Variants in VARS2 observed in about 807,000 individuals in gnomAD.
The protein encoded by VARS2 is valine--tRNA ligase, mitochondrial.
Under a neutral mutation model 154.1 loss-of-function variants are expected in VARS2, and 105 were observed. The observed-to-expected ratio is 0.68, with a 90% confidence interval of 0.58 to 0.80. The LOEUF (loss-of-function observed/expected upper bound fraction) is 0.80, where lower values mean the gene tolerates loss of function less well. Ranked by LOEUF, VARS2 falls within the 30% of genes least tolerant of loss-of-function variation. The pLI, the probability that VARS2 is intolerant of heterozygous loss-of-function variation, is 0.00. For synonymous variants in VARS2, 483 were observed against 539.5 expected (o/e 0.90, Z 1.45); for missense variants, 1,157 against 1,361.4 (o/e 0.85, Z 2.36).
Position 30,923,367 on chromosome 6 carries a change from C to T in VARS2, c.2328C>T (p.Ser776=), listed in dbSNP as rs140375910. The T allele has an allele frequency of 4.6e-3, 7,413 of 1,610,836 alleles. 363 individuals carry two copies. In the South Asian group the frequency reaches 0.068, roughly 15 times the overall value. Residue 776 remains serine (S), a synonymous_variant, in exon 25 of 30, where the codon TCC becomes TCT. Coordinates refer to ENST00000676266, the MANE Select transcript of VARS2 (RefSeq NM_020442.6). Reference sequence around the variant, plus strand: ...TCTGCCTGCAGCTGTCTCCCTCCTCCCCGATGGATGCCTGGATCCTGAGCC... The same window carrying T: ...TCTGCCTGCAGCTGTCTCCCTCCTCTCCGATGGATGCCTGGATCCTGAGCC... ...PQPAEELSPS[S]PMDAWILSRL...
chr6:30,921,570 C>T lies in VARS2; in HGVS notation c.1633-19C>T. Reference sequence around the variant, plus strand: ...AGCTGTTCTTCCTCACTCTCCCCAACCCCTTCCTACTTTTGCAGGGAGAAG... The same window carrying T: ...AGCTGTTCTTCCTCACTCTCCCCAATCCCTTCCTACTTTTGCAGGGAGAAG... On this transcript the variant is annotated intron_variant, in intron 17 of 29. Transcript: ENST00000676266. The surrounding 1 kb of genome is among the most constrained non-coding windows in gnomAD (Gnocchi z 4.6). 6.3e-7 allele frequency: 1 copy of T among 1,593,050 alleles called. No homozygotes were observed.
Position 30,914,875 on chromosome 6 carries a change from T to G in VARS2, c.39T>G (p.Phe13Leu). ...CTCTCGCCTCTTTTCGACCACCATT[T>G]TGGGGGCTGAGGCACTCACGGGGCC... is the stretch of plus-strand genomic sequence containing the variant. Reference protein sequence around the residue: ...HLPLASFRPPFWGLRHSRGLP... With the variant: ...HLPLASFRPPLWGLRHSRGLP... The change falls in exon 2 of 30, where the codon TTT becomes TTG. Residue 13 changes from phenylalanine to leucine, a missense_variant. Coordinates refer to ENST00000676266, the MANE Select transcript of VARS2 (RefSeq NM_020442.6). 4 of 1,613,044 alleles carry G rather than the reference T, an allele frequency of 2.5e-6. No individual in the cohort carries two copies. Among genetic ancestry groups the G allele is most frequent in the Non-Finnish European group, 3.4e-6 (4 of 1,180,024 alleles).
chr6:30,918,735 C>A, intron 10 of VARS2, 92 bp from the exon 11 acceptor site: 1 of 1,077,614 alleles, frequency 9.3e-7, no homozygotes, highest in East Asian at 2.4e-5. Flanking sequence ...CTCCCTGCCC[C>A]TTCCCCTTTC....
rs1050242344 is a variant in VARS2, at chr6:30,920,535, A to G, written c.1397+99A>G. ...ATGGGCTCTGCACCCCTCCGTTAGA[A>G]TACGAGCTCCGTGTCGGTTTTATTC... On this transcript the variant is annotated intron_variant, in intron 14 of 29. Coordinates refer to ENST00000676266, the MANE Select transcript of VARS2 (RefSeq NM_020442.6). This position sits in a 1 kb window ranked among gnomAD's most constrained non-coding sequence, Gnocchi z 4.6. 13 of 1,372,868 alleles carry G rather than the reference A, an allele frequency of 9.5e-6. No individual in the cohort carries two copies. Among genetic ancestry groups the G allele is most frequent in the Non-Finnish European group, 1.3e-5 (13 of 1,014,062 alleles). 85.0% of individuals were successfully genotyped at this position (1,372,868 alleles called of 1,614,324 possible). A position where few individuals can be genotyped will look rare whatever the true frequency, so the allele number is the denominator to read the frequency against.
intron 27 of VARS2, 51 bp from the exon 28 acceptor site, chr6:30,925,493 G>A: frequency 6.4e-7 from 1 of 1,558,536 alleles, no homozygotes; most frequent in Non-Finnish European, 8.7e-7. Flanking sequence ...TGCAGGGTAG[G>A]AAGGGAGGCA....
In VARS2 at chr6:30,926,415, A is replaced by G. The variant is rs906245671; in HGVS notation, c.*205A>G. The G allele has an allele frequency of 5.0e-6, 3 of 605,980 alleles. No homozygotes were observed. The highest frequency in any genetic ancestry group is 3.7e-5 in the African/African-American group (2 of 54,122). 37.5% of individuals were successfully genotyped at this position (605,980 alleles called of 1,614,324 possible). A position where few individuals can be genotyped will look rare whatever the true frequency, so the allele number is the denominator to read the frequency against. On this transcript the variant is annotated 3_prime_UTR_variant, in exon 30 of 30. Coordinates refer to ENST00000676266, the MANE Select transcript of VARS2 (RefSeq NM_020442.6). ...ACTGCCCGGCCTGCCTCCCACCTGG[A>G]AGTCTGGGAATGAGGAGATTGAGAT...
In VARS2 at chr6:30,923,214, C is replaced by G. The variant is rs1324558107; in HGVS notation, c.2296C>G (p.Pro766Ala). The G allele has an allele frequency of 1.2e-6, 2 of 1,612,990 alleles. No individual in the cohort carries two copies. Among genetic ancestry groups the G allele is most frequent in the South Asian group, 2.2e-5 (2 of 91,092 alleles). Residue 766 changes from proline (P) to alanine (A), a missense_variant, in exon 24 of 30, where the codon CCA becomes GCA. Physicochemically the swap from Pro to Ala is conservative, Grantham distance 27. Coordinates refer to ENST00000676266, the MANE Select transcript of VARS2 (RefSeq NM_020442.6). ...ILNALGEKFVPQPAEELSPSS... is the reference protein window; with the variant it reads ...ILNALGEKFVAQPAEELSPSS... ...CAATGCTTTAGGGGAGAAATTTGTG[C>G]CACAGCCTGCTGAGGAGGTAAGAGA...
rs1450463661 is a variant in VARS2, at chr6:30,917,317, T to G, written c.873+93T>G. 3 of 1,594,170 alleles carry G rather than the reference T, an allele frequency of 1.9e-6. No homozygotes were observed. Among genetic ancestry groups the G allele is most frequent in the Non-Finnish European group, 2.6e-6 (3 of 1,165,180 alleles). On this transcript the variant is annotated intron_variant, in intron 9 of 29. Coordinates refer to ENST00000676266, the MANE Select transcript of VARS2 (RefSeq NM_020442.6). This position sits in a 1 kb window ranked among gnomAD's most constrained non-coding sequence, Gnocchi z 4.4. ...AGACTCTGGAGCCAGGGTGCCTGGA[T>G]TCAAATCTGATGCCTGCCTGTTACA...
In VARS2 at chr6:30,923,345, G is replaced by C. The variant is rs1216949363; in HGVS notation, c.2314-8G>C. The C allele has an allele frequency of 6.2e-7, 1 of 1,608,538 alleles. No individual in the cohort carries two copies. Among genetic ancestry groups the C allele is most frequent in the Non-Finnish European group, 8.5e-7 (1 of 1,176,878 alleles). The stretch of plus-strand genomic sequence containing the variant: ...GGAGTCAGGCCATCCTGCCCCCTCT[G>C]CCTGCAGCTGTCTCCCTCCTCCCCG... On this transcript the variant is annotated splice_region_variant and splice_polypyrimidine_tract_variant and intron_variant, in intron 24 of 29. Transcript: ENST00000676266.
chr6:30,924,667 T>C, intron 26 of VARS2, 107 bp downstream of exon 26: 1 of 651,126 alleles, frequency 1.5e-6, no homozygotes, highest in Non-Finnish European at 2.6e-6. Context: ...CGTACTTTAC[T>C]GTGGAGCCCT....
Position 30,920,766 on chromosome 6 carries a change from G to T in VARS2, c.1479+17G>T. On this transcript the variant is annotated intron_variant, in intron 15 of 29. Transcript: ENST00000676266. This position sits in a 1 kb window ranked among gnomAD's most constrained non-coding sequence, Gnocchi z 4.6. ...GCTGCCAAGGTGAGGCTGCAGTGTA[G>T]GAAGGACTGGGGCCAGGGGTTGGGG... 6.4e-7 allele frequency: 1 copy of T among 1,557,800 alleles called. No individual in the cohort carries two copies. Among genetic ancestry groups the T allele is most frequent in the Non-Finnish European group, 8.7e-7 (1 of 1,152,024 alleles).
chr6:30,926,317 G>A lies in VARS2; in HGVS notation c.*107G>A. 6 of 1,129,326 alleles carry A rather than the reference G, an allele frequency of 5.3e-6. No homozygotes were observed. The highest frequency in any genetic ancestry group is 2.6e-5 in the East Asian group (1 of 39,070). The allele number at this position is 1,129,326 out of a possible 1,614,324, so 70.0% of individuals were successfully genotyped here. On this transcript the variant is annotated 3_prime_UTR_variant, in exon 30 of 30. Transcript: ENST00000676266. Reference sequence around the variant, plus strand: ...GACGTCAGAGACTATGTGGTCCATCGCCTTCATTGTGTAAATGAGGACACA... The same window carrying A: ...GACGTCAGAGACTATGTGGTCCATCACCTTCATTGTGTAAATGAGGACACA...
chr6:30,914,353 GCGC>G lies in VARS2; in HGVS notation c.-28+12_-28+14del, dbSNP rs1793999353. ...AGCGGCGGGGCCTCCTGGTGAGCGC[GCGC>G]CGGGGCGGCCTCCGGGAAGTGGGAG... On this transcript the variant is annotated intron_variant, in intron 1 of 29. Coordinates refer to ENST00000676266, the MANE Select transcript of VARS2 (RefSeq NM_020442.6). 5 of 1,241,248 alleles carry G rather than the reference GCGC, an allele frequency of 4.0e-6. No individual in the cohort carries two copies. The East Asian group carries it at 1.6e-4, about 39-fold the overall frequency. 76.9% of individuals were successfully genotyped at this position (1,241,248 alleles called of 1,614,324 possible). A position where few individuals can be genotyped will look rare whatever the true frequency, so the allele number is the denominator to read the frequency against.
rs572114528 is a variant in VARS2 at position 30,925,472 on chromosome 6, C to G, written c.2786-72C>G. The G allele has an allele frequency of 2.2e-3, 3,475 of 1,562,068 alleles. 10 individuals carry two copies. The highest frequency in any genetic ancestry group is 8.2e-3 in the South Asian group (693 of 84,988). Reference sequence around the variant, plus strand: ...AGCAGAGCCTGAAGGGCCAACCCCCCCGTTAGGAGGTGCAGGGTAGGAAGG... The same window carrying G: ...AGCAGAGCCTGAAGGGCCAACCCCCGCGTTAGGAGGTGCAGGGTAGGAAGG... On this transcript the variant is annotated intron_variant, in intron 27 of 29. Transcript: ENST00000676266.
rs745712955 is a variant in VARS2, at chr6:30,922,786, C to A, written c.2106+12C>A. The A allele has an allele frequency of 1.2e-6, 2 of 1,603,482 alleles. No homozygotes were observed. The highest frequency in any genetic ancestry group is 1.1e-5 in the South Asian group (1 of 90,056). On this transcript the variant is annotated intron_variant, in intron 22 of 29. Coordinates refer to ENST00000676266, the MANE Select transcript of VARS2 (RefSeq NM_020442.6). ...TGGCTGCAGCACAGGTGAGTCATCG[C>A]TGCCTGCCCCCCACCAGCTCTAGCT...
rs751982687 is a variant in VARS2, at chr6:30,921,727, G to T, written c.1735+36G>T. On this transcript the variant is annotated intron_variant, in intron 18 of 29. Coordinates refer to ENST00000676266, the MANE Select transcript of VARS2 (RefSeq NM_020442.6). This position sits in a 1 kb window ranked among gnomAD's most constrained non-coding sequence, Gnocchi z 4.6. Reference sequence around the variant, plus strand: ...GAGCTGGGGAGGGATGTACAGGGGAGCGGGGGCCTGGGCATCTGGGCCTTT... The same window carrying T: ...GAGCTGGGGAGGGATGTACAGGGGATCGGGGGCCTGGGCATCTGGGCCTTT... 4 of 1,567,514 alleles carry T rather than the reference G, an allele frequency of 2.6e-6. No individual in the cohort carries two copies. The highest frequency in any genetic ancestry group is 2.4e-5 in the South Asian group (2 of 84,996).
intron 1 of VARS2, 180 bp from the exon 2 acceptor site, chr6:30,914,630 C>T: frequency 9.1e-7 from 1 of 1,099,894 alleles, no homozygotes; most frequent in Non-Finnish European, 1.3e-6. Context: ...ATATCCGTGG[C>T]TCCATGGCGC....
Position 30,914,914 on chromosome 6 carries a change from C to T in VARS2, c.78C>T (p.His26=). 8.1e-6 allele frequency: 13 copies of T among 1,613,088 alleles called. No homozygotes were observed. The highest frequency in any genetic ancestry group is 1.0e-5 in the Non-Finnish European group (12 of 1,180,042). ...ACTCACGGGGCCTCCCCAGGTTTCACTCCGTTTCTACACAGTCGGAGCCCC... is the reference window on the plus strand; with the variant it reads ...ACTCACGGGGCCTCCCCAGGTTTCATTCCGTTTCTACACAGTCGGAGCCCC... ...LRHSRGLPRF[H]SVSTQSEPHG... Residue 26 remains histidine (H), a synonymous_variant, in exon 2 of 30, where the codon CAC becomes CAT. Transcript: ENST00000676266.
At position 30,915,767 on chromosome 6, in the gene VARS2, G is replaced by C; in HGVS notation, c.406G>C (p.Gly136Arg). Residue 136 changes from glycine to arginine, a missense_variant, in exon 5 of 30, where the codon GGG (glycine) becomes CGG (arginine). Gly to Arg is a moderately radical substitution (Grantham distance 125). Transcript: ENST00000676266. ...CTAGGCCCGGCTGCCCCAAGCTACA[G>C]GGGAGACCTTTTCCATGTGTATCCC... ...EYQARLPQAT[G>R]ETFSMCIPPP... 1 of 1,613,538 alleles carries C rather than the reference G, an allele frequency of 6.2e-7. No individual in the cohort carries two copies. The highest frequency in any genetic ancestry group is 8.5e-7 in the Non-Finnish European group (1 of 1,180,030).
Sources: allele counts gnomAD v4.1 joint callset, GRCh38; gene constraint gnomAD v4.1.1; non-coding constraint Gnocchi (gnomAD v3.1); transcripts MANE v1.5; gene names NCBI Gene and HGNC (gene_info 2026-07-23, HGNC 2026-07-21).